Variants in AURKA observed in about 807,000 individuals in gnomAD.
The protein encoded by AURKA is aurora 2.
A neutral mutation model predicts 40.9 loss-of-function variants in AURKA; 12 were observed. The observed-to-expected ratio is 0.29, with a 90% CI of 0.19 to 0.48. The LOEUF is 0.48. Ranked by LOEUF, AURKA falls within the 20% of genes least tolerant of loss-of-function variation. AURKA has a pLI of 0.99. For missense variants in AURKA, 322 were observed against 462.1 expected (o/e 0.70, Z 2.78); for synonymous variants, 170 against 164.3 (o/e 1.03, Z -0.26).
At position 56,369,908 on chromosome 20, in the gene AURKA, T is replaced by C; in HGVS notation, c.*250A>G. On this transcript the variant is annotated 3_prime_UTR_variant, in exon 9 of 9. Transcript: ENST00000395915. Reference sequence around the variant, plus strand: ...CTGACGGGGCGGCTGCAGTCGAACCTTGCCTCCAGATTATGAACCAGTATA... The same window carrying C: ...CTGACGGGGCGGCTGCAGTCGAACCCTGCCTCCAGATTATGAACCAGTATA... 1 of 580,310 alleles carries C rather than the reference T, an allele frequency of 1.7e-6. No individual in the cohort carries two copies. Among genetic ancestry groups the C allele is most frequent in the African/African-American group, 1.8e-5 (1 of 54,104 alleles). The allele number at this position is 580,310 out of a possible 1,614,324, so 35.9% of individuals were successfully genotyped here.
At chr20:56,371,812 T>C (rs905924151) in intron 7 of AURKA, among the ~76,000 whole-genome samples, 6 of 152,332 alleles carry the variant, frequency 3.9e-5, no homozygotes, top group East Asian at 3.9e-4. Context: ...ATGCTGTTAA[T>C]TTTCTTAGGA....
intron 7 of AURKA, among the ~76,000 whole-genome samples, chr20:56,371,336 C>A (rs1362198055): frequency 6.6e-6 from 1 of 151,956 alleles, no homozygotes; most frequent in Non-Finnish European, 1.5e-5. Context: ...GTGGTGTGCG[C>A]CTGTAGTCCT....
intron 1 of AURKA, among the ~76,000 whole-genome samples, chr20:56,391,727 T>G (rs988045333): frequency 6.6e-6 from 1 of 152,108 alleles, no homozygotes; most frequent in Non-Finnish European, 1.5e-5. Flanking sequence ...CGGCCCCCGT[T>G]AAACCGCACT....
chr20:56,372,343 T>C (rs181364300), intron 7 of AURKA, among the ~76,000 whole-genome samples: 90 of 152,300 alleles, frequency 5.9e-4, no homozygotes, highest in African/African-American at 2.1e-3. Flanking sequence ...ATGATGATGA[T>C]TAACATCTGG....
Position 56,373,290 on chromosome 20 carries a change from G to A in AURKA, c.854+118C>T. The A allele has an allele frequency of 2.2e-6, 3 of 1,390,180 alleles. No homozygotes were observed. Among genetic ancestry groups the A allele is most frequent in the Non-Finnish European group, 3.1e-6 (3 of 982,178 alleles). 86.1% of individuals were successfully genotyped at this position (1,390,180 alleles called of 1,614,324 possible). A position where few individuals can be genotyped will look rare whatever the true frequency, so the allele number is the denominator to read the frequency against. On this transcript the variant is annotated intron_variant, in intron 7 of 8. Transcript: ENST00000395915. This position sits in a 1 kb window ranked among gnomAD's most constrained non-coding sequence, Gnocchi z 5.0. ...CTAAATTACTCCAAAGTACTTCTGG[G>A]TTAGCCACCTACCCCTCTTACAGCA...
intron 5 of AURKA, 147 bp downstream of exon 5, chr20:56,382,838 G>T: frequency 2.6e-6 from 2 of 773,394 alleles, no homozygotes; most frequent in East Asian, 2.5e-5. Flanking sequence ...ATAGGGGAGG[G>T]GGAGGTGAGG....
Position 56,386,324 on chromosome 20 carries a change from T to A in AURKA, c.252A>T (p.Val84=). The change falls in exon 3 of 9, where the codon GTA becomes GTT. Residue 84 remains valine, a synonymous_variant. Coordinates refer to ENST00000395915, the MANE Select transcript of AURKA (RefSeq NM_198437.3). ...TCAGTGGCCTGGAGACAGGATGAGG[T>A]ACACTGGTTGCCTGCAATTGCTTCT... is the stretch of plus-strand genomic sequence containing the variant. ...QKQKQLQATS[V]PHPVSRPLNN... is the part of the protein sequence containing the mutation. 1 of 1,614,170 alleles carries A rather than the reference T, an allele frequency of 6.2e-7. No individual in the cohort carries two copies. The highest frequency in any genetic ancestry group is 1.1e-5 in the South Asian group (1 of 91,084).
chr20:56,370,117 A>G lies in AURKA; in HGVS notation c.*41T>C, dbSNP rs2146117591. The G allele has an allele frequency of 6.2e-7, 1 of 1,608,566 alleles. No homozygotes were observed. Among genetic ancestry groups the G allele is most frequent in the Non-Finnish European group, 8.5e-7 (1 of 1,176,716 alleles). On this transcript the variant is annotated 3_prime_UTR_variant, in exon 9 of 9. Transcript: ENST00000395915. Reference sequence around the variant, plus strand: ...CAGTAGCATGTTCCTGTCAGGTTATATGGCAGCCCTGGCTCAAGGATTTCT... The same window carrying G: ...CAGTAGCATGTTCCTGTCAGGTTATGTGGCAGCCCTGGCTCAAGGATTTCT...
chr20:56,371,608 T>G (rs150316951), intron 7 of AURKA, among the ~76,000 whole-genome samples: 1,618 of 151,944 alleles, frequency 0.011, 51 homozygotes, highest in Admixed American at 0.067. Context: ...TGGTCTGGCT[T>G]TAGACCACAG....
chr20:56,386,183 C>T (rs965574200), intron 3 of AURKA, 74 bp downstream of exon 3: 3 of 1,573,824 alleles, frequency 1.9e-6, no homozygotes, highest in Non-Finnish European at 2.6e-6. Flanking sequence ...ACAATAAGTG[C>T]AAGTATATAC....
chr20:56,385,409 G>C (rs1468620892), intron 3 of AURKA, among the ~76,000 whole-genome samples: 1 of 151,830 alleles, frequency 6.6e-6, no homozygotes, highest in African/African-American at 2.4e-5. Context: ...CTTCCTGTCT[G>C]GTACTCCTAA....
At chr20:56,383,543 G>T (rs1390208659) in intron 4 of AURKA, among the ~76,000 whole-genome samples, 11 of 152,218 alleles carry the variant, frequency 7.2e-5, no homozygotes. Flanking sequence ...CCATCTGGGG[G>T]CATGTTTCAA....
intron 2 of AURKA, among the ~76,000 whole-genome samples, chr20:56,387,654 C>A (rs1028876131): frequency 3.3e-5 from 5 of 152,196 alleles, no homozygotes; most frequent in African/African-American, 1.2e-4. Flanking sequence ...TATGAGTGCT[C>A]TACAAAGAGA....
At chr20:56,374,171 A>G (rs1328599911) in intron 6 of AURKA, among the ~76,000 whole-genome samples, 2 of 152,194 alleles carry the variant, frequency 1.3e-5, no homozygotes, top group African/African-American at 4.8e-5. Context: ...AGTTAGAGCT[A>G]GCTCTTAGGC....
intron 2 of AURKA, among the ~76,000 whole-genome samples, chr20:56,387,189 T>C (rs945657194): frequency 6.6e-6 from 1 of 152,216 alleles, no homozygotes; most frequent in African/African-American, 2.4e-5. Context: ...AGTCTTGCTC[T>C]GTCACCCAGA....
chr20:56,373,494 G>A lies in AURKA; in HGVS notation c.768C>T (p.Asp256=), dbSNP rs749240325. ...CAAGAAGTAAGTTCTCTGGCTTAATGTCTCTATGAATAACTCTCTTCGAAT... is the reference window on the plus strand; with the variant it reads ...CAAGAAGTAAGTTCTCTGGCTTAATATCTCTATGAATAACTCTCTTCGAAT... ...YCHSKRVIHR[D]IKPENLLLGS... The change falls in exon 7 of 9, where the codon GAC becomes GAT. Residue 256 remains aspartate, a synonymous_variant. Coordinates refer to ENST00000395915, the MANE Select transcript of AURKA (RefSeq NM_198437.3). This position sits in a 1 kb window ranked among gnomAD's most constrained non-coding sequence, Gnocchi z 5.0. 1 of 1,614,218 alleles carries A rather than the reference G, an allele frequency of 6.2e-7. No homozygotes were observed. The highest frequency in any genetic ancestry group is 1.1e-5 in the South Asian group (1 of 91,090).
At chr20:56,390,143 T>C (rs1986888999) in intron 1 of AURKA, among the ~76,000 whole-genome samples, 1 of 152,176 alleles carries the variant, frequency 6.6e-6, no homozygotes, top group Admixed American at 6.5e-5. Flanking sequence ...ACATGGACCC[T>C]AACTACCTCT....
chr20:56,382,163 CAAAAAAAAAAAGG>C (rs941977280), intron 5 of AURKA, among the ~76,000 whole-genome samples: 40 of 104,878 alleles, frequency 3.8e-4, no homozygotes, highest in African/African-American at 9.5e-4. Context: ...GACTCCATCT[CAAAAAAAAAAAGG>C]AAAAAAAAAA....
rs1318359622 is a variant in AURKA at position 56,373,284 on chromosome 20, T to G, written c.854+124A>C. 3 of 1,319,804 alleles carry G rather than the reference T, an allele frequency of 2.3e-6. No homozygotes were observed. The African/African-American group carries it at 4.4e-5, about 19-fold the overall frequency. The allele number at this position is 1,319,804 out of a possible 1,614,324, so 81.8% of individuals were successfully genotyped here. ...TTAAGCCTAAATTACTCCAAAGTACTTCTGGGTTAGCCACCTACCCCTCTT... is the reference window on the plus strand; with the variant it reads ...TTAAGCCTAAATTACTCCAAAGTACGTCTGGGTTAGCCACCTACCCCTCTT... On this transcript the variant is annotated intron_variant, in intron 7 of 8. Coordinates refer to ENST00000395915, the MANE Select transcript of AURKA (RefSeq NM_198437.3). The surrounding 1 kb of genome is among the most constrained non-coding windows in gnomAD (Gnocchi z 5.0).
Sources: gnomAD v4.1 joint callset for allele counts (sites outside exome capture counted in the v4.1 genomes callset) on GRCh38, gnomAD v4.1.1 for gene constraint, Gnocchi (gnomAD v3.1) non-coding constraint, MANE v1.5 for transcripts, NCBI Gene and HGNC (gene_info 2026-07-23, HGNC 2026-07-21) for gene names.